GABRG3: variants seen among roughly 807,000 people sequenced by gnomAD.
GABRG3 encodes the protein gamma-aminobutyric acid receptor subunit gamma-3.
A neutral mutation model predicts 48.8 loss-of-function variants in GABRG3; 25 were observed. The observed-to-expected ratio is 0.51, with a 90% CI of 0.37 to 0.72. The LOEUF (loss-of-function observed/expected upper bound fraction) is 0.72. Ranked by LOEUF, GABRG3 falls within the 30% of genes least tolerant of loss-of-function variation. The pLI, the probability that GABRG3 is intolerant of heterozygous loss-of-function variation, is 0.00. For synonymous variants in GABRG3, 227 were observed against 217.6 expected (o/e 1.04, Z -0.38); for missense variants, 394 against 577.9 (o/e 0.68, Z 3.26).
rs779141273 is a variant in GABRG3, at chr15:27,388,246, A to AAGGAAGGAAGAAAGG, written c.574+59359_574+59360insGGAAGGAAGAAAGGA. ...GAAGGAAAGGGAGGAGGGAGGGAGGAAAGGAAGGAAGGAAAGGAGGGAGGG... is the reference window on the plus strand; with the variant it reads ...GAAGGAAAGGGAGGAGGGAGGGAGGAAGGAAGGAAGAAAGGAAGGAAGGAAGGAAAGGAGGGAGGG... On this transcript the variant is annotated intron_variant, in intron 5 of 9. Transcript: ENST00000615808. Among the ~76,000 whole-genome samples, 6 of 15,102 alleles carry AAGGAAGGAAGAAAGG rather than the reference A, an allele frequency of 4.0e-4. 2 individuals are homozygous for AAGGAAGGAAGAAAGG. The highest frequency in any genetic ancestry group is 1.5e-3 in the African/African-American group (6 of 4,128). 9.9% of individuals were successfully genotyped at this position (15,102 alleles called of 152,430 possible). A position where few individuals can be genotyped will look rare whatever the true frequency, so the allele number is the denominator to read the frequency against.
At chr15:27,004,036 C>A (rs1202590016) in intron 2 of GABRG3, among the ~76,000 whole-genome samples, 1 of 149,332 alleles carries the variant, frequency 6.7e-6, no homozygotes, top group East Asian at 2.0e-4. Flanking sequence ...GGGCTGAACC[C>A]CCAACTCCCT....
intron 3 of GABRG3, among the ~76,000 whole-genome samples, chr15:27,285,386 C>T (rs911747594): frequency 1.3e-5 from 2 of 151,078 alleles, no homozygotes; most frequent in Non-Finnish European, 2.9e-5. Flanking sequence ...GCCCAAGGAC[C>T]GAGAGAGAGG....
chr15:27,036,959 T>G (rs1344777352), intron 3 of GABRG3, among the ~76,000 whole-genome samples: 2 of 152,196 alleles, frequency 1.3e-5, no homozygotes, highest in Non-Finnish European at 2.9e-5. Context: ...CCTACTGCAG[T>G]ATGACTGATG....
At chr15:27,399,204 A>G (rs1595729347) in intron 5 of GABRG3, among the ~76,000 whole-genome samples, 1 of 152,306 alleles carries the variant, frequency 6.6e-6, no homozygotes, top group South Asian at 2.1e-4. Context: ...CGGGCTTTCT[A>G]TTGAACACTT....
At chr15:27,190,320 C>T (rs1295417539) in intron 3 of GABRG3, among the ~76,000 whole-genome samples, 1 of 152,180 alleles carries the variant, frequency 6.6e-6, no homozygotes, top group African/African-American at 2.4e-5. Context: ...CCTCCTTGTA[C>T]CTCTGGTAGA....
chr15:27,031,976 G>GA (rs143397494), intron 3 of GABRG3, among the ~76,000 whole-genome samples: 3,161 of 152,268 alleles, frequency 0.021, 107 homozygotes, highest in African/African-American at 0.072. Context: ...AGCAGTGTTT[G>GA]AAAAAGAGTG....
At chr15:27,181,778 G>C (rs577355610) in intron 3 of GABRG3, among the ~76,000 whole-genome samples, 2 of 152,068 alleles carry the variant, frequency 1.3e-5, no homozygotes, top group African/African-American at 4.8e-5. Context: ...GAAGTGAGGA[G>C]TTCTGGTCAT....
intron 5 of GABRG3, among the ~76,000 whole-genome samples, chr15:27,420,374 A>G (rs1177138068): frequency 1.3e-5 from 2 of 152,252 alleles, no homozygotes; most frequent in Non-Finnish European, 2.9e-5. Flanking sequence ...AGTGAAATGT[A>G]AAACAGTTGA....
In GABRG3 at chr15:27,540,856, T is replaced by C. The variant is rs554800509; in HGVS notation, c.*7975T>C. On this transcript the variant is annotated 3_prime_UTR_variant, in exon 10 of 10. Transcript: ENST00000615808. ...TGTGTATTTGTGTCTGTACGTACAG[T>C]GGTAAAACTGAAACAACTTATTAAT... 4 of 152,306 alleles carry C rather than the reference T, an allele frequency of 2.6e-5. No homozygotes were observed. In the South Asian group the frequency reaches 8.3e-4, roughly 32 times the overall value. The allele number at this position is 152,306 out of a possible 1,614,324, so 9.4% of individuals were successfully genotyped here. A position where few individuals can be genotyped will look rare whatever the true frequency, so the allele number is the denominator to read the frequency against.
chr15:27,518,719 A>G (rs1426616267), intron 6 of GABRG3, among the ~76,000 whole-genome samples: 1 of 152,190 alleles, frequency 6.6e-6, no homozygotes, highest in East Asian at 1.9e-4. Context: ...TGGGTAGACA[A>G]GATGCCAAGA....
chr15:27,350,127 C>T (rs1241859709), intron 5 of GABRG3: 1 of 456,048 alleles, frequency 2.2e-6, no homozygotes, highest in East Asian at 7.0e-5. Flanking sequence ...ACTTTCCCAG[C>T]CACCATCTTG....
intron 3 of GABRG3, among the ~76,000 whole-genome samples, chr15:27,202,184 T>C (rs1018218112): frequency 2.0e-5 from 3 of 152,224 alleles, no homozygotes; most frequent in Admixed American, 2.0e-4. Flanking sequence ...CATATAATCC[T>C]ATACAAAGAC....
At chr15:27,197,103 G>T (rs1429549265) in intron 3 of GABRG3, among the ~76,000 whole-genome samples, 1 of 152,112 alleles carries the variant, frequency 6.6e-6, no homozygotes, top group South Asian at 2.1e-4. Flanking sequence ...CTACAGATAG[G>T]CCCTGATTTA....
At chr15:27,412,553 G>A (rs1005105200) in intron 5 of GABRG3, among the ~76,000 whole-genome samples, 4 of 152,224 alleles carry the variant, frequency 2.6e-5, no homozygotes, top group African/African-American at 9.6e-5. Context: ...TCATCCATTC[G>A]CAGAACATAA....
intron 3 of GABRG3, among the ~76,000 whole-genome samples, chr15:27,062,335 G>T (rs369969341): frequency 6.6e-6 from 1 of 150,866 alleles, no homozygotes; most frequent in Non-Finnish European, 1.5e-5. Context: ...GGTGGCTCAC[G>T]CCTGTAATCC....
At chr15:27,331,118 C>T (rs1893788317) in intron 5 of GABRG3, among the ~76,000 whole-genome samples, 1 of 152,162 alleles carries the variant, frequency 6.6e-6, no homozygotes. Flanking sequence ...TGTGGGGCAA[C>T]AGGAACTCTC....
intron 2 of GABRG3, among the ~76,000 whole-genome samples, chr15:26,999,922 C>T (rs1454974019): frequency 6.6e-6 from 1 of 152,078 alleles, no homozygotes; most frequent in African/African-American, 2.4e-5. Context: ...TTTTTAATCT[C>T]AGATATCTTA....
intron 7 of GABRG3, 39 bp from the exon 8 acceptor site, chr15:27,527,394 T>G (rs1257572377): frequency 1.3e-6 from 2 of 1,591,454 alleles, no homozygotes; most frequent in Admixed American, 3.4e-5. Context: ...CTGTTGCGTG[T>G]TGCACCCTTT....
chr15:27,343,989 C>T (rs933755079), intron 5 of GABRG3, among the ~76,000 whole-genome samples: 2 of 152,182 alleles, frequency 1.3e-5, no homozygotes, highest in Non-Finnish European at 2.9e-5. Flanking sequence ...GCATTTTCAC[C>T]CCTTGTGTTG....
Sources: gnomAD v4.1 joint callset for allele counts (sites outside exome capture counted in the v4.1 genomes callset) on GRCh38, gnomAD v4.1.1 for gene constraint, MANE v1.5 for transcripts, NCBI Gene and HGNC (gene_info 2026-07-23, HGNC 2026-07-21) for gene names.